Variants in PTPRD observed in about 807,000 individuals in gnomAD.
PTPRD encodes receptor-type tyrosine-protein phosphatase delta.
In PTPRD, 34 loss-of-function variants were observed where a neutral mutation model predicts 214.5. The ratio of observed to expected loss-of-function variants is 0.16; its 90% CI spans 0.12 to 0.21. PTPRD has a LOEUF of 0.21. Ranked by LOEUF, PTPRD falls within the 10% of genes least tolerant of loss-of-function variation. The probability of loss-of-function intolerance (pLI) is 1.00; values close to 1 mark genes in which losing one functional copy is unlikely to be tolerated. For missense variants in PTPRD, 2,545 were observed against 2,398.7 expected, an observed-to-expected ratio of 1.06 and a Z score of -1.27; for synonymous variants, 1,128 against 845.7, an observed-to-expected ratio of 1.33 and a Z score of -5.79.
intron 37 of PTPRD, among the ~76,000 whole-genome samples, chr9:8,387,358 A>C (rs1410577600): frequency 1.3e-5 from 2 of 152,234 alleles, no homozygotes; most frequent in African/African-American, 4.8e-5. Flanking sequence ...GGGGCCAGTT[A>C]GAACTAACTT....
chr9:8,804,678 T>C (rs1207733566), intron 11 of PTPRD, among the ~76,000 whole-genome samples: 1 of 143,296 alleles, frequency 7.0e-6, no homozygotes. Flanking sequence ...ACGTGTGGCA[T>C]GAACTTTTTC....
At chr9:9,710,781 T>C (rs1021047743) in intron 7 of PTPRD, among the ~76,000 whole-genome samples, 1 of 152,106 alleles carries the variant, frequency 6.6e-6, no homozygotes, top group Non-Finnish European at 1.5e-5. Context: ...GACACCAACC[T>C]GTTGGACACA....
At chr9:10,297,336 AT>A (rs2095709945) in intron 3 of PTPRD, among the ~76,000 whole-genome samples, 1 of 151,968 alleles carries the variant, frequency 6.6e-6, no homozygotes, top group East Asian at 1.9e-4. Flanking sequence ...AAACTGTACC[AT>A]TTTGTCCTTC....
At chr9:9,838,527 G>A (rs1380182813) in intron 5 of PTPRD, among the ~76,000 whole-genome samples, 2 of 152,234 alleles carry the variant, frequency 1.3e-5, no homozygotes, top group South Asian at 2.1e-4. Flanking sequence ...CAGTGATGGT[G>A]AGCATTTTTT....
chr9:8,411,590 C>A (rs939222317), intron 35 of PTPRD, among the ~76,000 whole-genome samples: 3 of 152,184 alleles, frequency 2.0e-5, no homozygotes, highest in African/African-American at 4.8e-5. Context: ...AGGCGTGAGT[C>A]ACTACACCCA....
intron 2 of PTPRD, among the ~76,000 whole-genome samples, chr9:10,423,296 G>T (rs961065371): frequency 6.6e-6 from 1 of 151,894 alleles, no homozygotes; most frequent in African/African-American, 2.4e-5. Context: ...CACACTCTGG[G>T]GTCTGTCATG....
At chr9:10,010,230 T>A (rs185893328) in intron 4 of PTPRD, among the ~76,000 whole-genome samples, 1 of 152,032 alleles carries the variant, frequency 6.6e-6, no homozygotes, top group African/African-American at 2.4e-5. Flanking sequence ...CCAAACACCA[T>A]GACCTCAGGG....
chr9:9,092,653 T>G (rs1454756534), intron 10 of PTPRD, among the ~76,000 whole-genome samples: 3 of 152,100 alleles, frequency 2.0e-5, no homozygotes, highest in Admixed American at 1.3e-4. Context: ...TTTGTCTATT[T>G]AGGACAAATC....
At chr9:9,485,422 T>C (rs2095586843) in intron 8 of PTPRD, among the ~76,000 whole-genome samples, 1 of 152,212 alleles carries the variant, frequency 6.6e-6, no homozygotes, top group Non-Finnish European at 1.5e-5. Context: ...CACCTCTACT[T>C]ATCTGTATCA....
chr9:9,648,971 A>G (rs1434120291), intron 7 of PTPRD, among the ~76,000 whole-genome samples: 1 of 152,116 alleles, frequency 6.6e-6, no homozygotes, highest in Non-Finnish European at 1.5e-5. Flanking sequence ...GGAAGAAAAT[A>G]TCATAGGAGT....
intron 10 of PTPRD, among the ~76,000 whole-genome samples, chr9:9,166,094 A>G (rs1569557136): frequency 6.6e-6 from 1 of 151,974 alleles, no homozygotes; most frequent in Non-Finnish European, 1.5e-5. Context: ...TCAATCCACT[A>G]ATTAAAATGT....
chr9:9,665,321 C>T (rs920800800), intron 7 of PTPRD, among the ~76,000 whole-genome samples: 8 of 151,548 alleles, frequency 5.3e-5, no homozygotes, highest in African/African-American at 1.5e-4. Context: ...CATTTAATCT[C>T]GTTTGAGCTG....
chr9:9,939,895 A>T (rs539702087), intron 4 of PTPRD, among the ~76,000 whole-genome samples: 1 of 152,166 alleles, frequency 6.6e-6, no homozygotes. Context: ...TTAATCTCAG[A>T]TCATTCTGGA....
At chr9:9,854,396 A>G (rs1398081960) in intron 5 of PTPRD, among the ~76,000 whole-genome samples, 2 of 152,140 alleles carry the variant, frequency 1.3e-5, no homozygotes, top group African/African-American at 2.4e-5. Context: ...TTTCTTCTGC[A>G]TTTGACAGAG....
intron 11 of PTPRD, among the ~76,000 whole-genome samples, chr9:8,954,328 C>T (rs543975460): frequency 2.6e-5 from 4 of 151,896 alleles, no homozygotes; most frequent in East Asian, 3.9e-4. Context: ...GAGCAAAAGA[C>T]GCTGGGGACT....
chr9:10,410,285 A>AATAT (rs1555304079), intron 2 of PTPRD, among the ~76,000 whole-genome samples: 145 of 141,358 alleles, frequency 1.0e-3, no homozygotes, highest in African/African-American at 3.4e-3. Context: ...ACACACACAC[A>AATAT]ATATATAATA....
At chr9:9,169,393 G>A (rs918108475) in intron 10 of PTPRD, among the ~76,000 whole-genome samples, 2 of 151,928 alleles carry the variant, frequency 1.3e-5, no homozygotes, top group Non-Finnish European at 2.9e-5. Flanking sequence ...ATGAATAGAC[G>A]GTAAGTATTT....
At chr9:9,204,978 T>A (rs1388672128) in intron 9 of PTPRD, among the ~76,000 whole-genome samples, 1 of 152,132 alleles carries the variant, frequency 6.6e-6, no homozygotes, top group African/African-American at 2.4e-5. Flanking sequence ...GTGAAGTGTG[T>A]GACTATTGAA....
chr9:9,618,071 C>CAA (rs34125624), intron 7 of PTPRD, among the ~76,000 whole-genome samples: 719 of 23,104 alleles, frequency 0.031, 87 homozygotes, highest in Non-Finnish European at 0.034. Context: ...GACTCCATCT[C>CAA]AAAAAAAAAA....
Sources: gnomAD v4.1 joint callset for allele counts (sites outside exome capture counted in the v4.1 genomes callset) on GRCh38, gnomAD v4.1.1 for gene constraint, MANE v1.5 for transcripts, NCBI Gene and HGNC (gene_info 2026-07-23, HGNC 2026-07-21) for gene names.